NUTF2: variants seen among roughly 807,000 people sequenced by gnomAD.
The protein encoded by NUTF2 is placental protein 15.
A neutral mutation model predicts 18.5 loss-of-function variants in NUTF2; 3 were observed. The observed-to-expected ratio is 0.16, with a 90% CI of 0.07 to 0.42. NUTF2 has a LOEUF of 0.42. Among genes scored for constraint, NUTF2 ranks in the 10% least tolerant of loss-of-function variants. The pLI, the probability that NUTF2 is intolerant of heterozygous loss-of-function variation, is 0.99. For synonymous variants in NUTF2, 51 were observed against 57.9 expected, an observed-to-expected ratio of 0.88 and a Z score of 0.54; for missense variants, 44 against 160.7, an observed-to-expected ratio of 0.27 and a Z score of 3.93.
intron 1 of NUTF2, among the ~76,000 whole-genome samples, chr16:67,855,031 G>T (rs1391246001): frequency 1.3e-5 from 2 of 151,438 alleles, no homozygotes; most frequent in African/African-American, 4.9e-5. Context: ...TTTAATTAAT[G>T]TTTTGATAGG....
intron 1 of NUTF2, among the ~76,000 whole-genome samples, chr16:67,864,425 C>T (rs1402220757): frequency 6.7e-6 from 1 of 150,294 alleles, no homozygotes; most frequent in Non-Finnish European, 1.5e-5. Flanking sequence ...AAGAGAATCA[C>T]TTGAGCCCAG....
At chr16:67,864,551 A>G (rs2057957134) in intron 1 of NUTF2, among the ~76,000 whole-genome samples, 1 of 150,784 alleles carries the variant, frequency 6.6e-6, no homozygotes, top group African/African-American at 2.4e-5. Context: ...GGCCTTGAGA[A>G]TCTCCCCACA....
At chr16:67,870,454 C>G (rs2058003461) in intron 4 of NUTF2, 1 of 264,122 alleles carries the variant, frequency 3.8e-6, no homozygotes, top group Non-Finnish European at 7.2e-6. Flanking sequence ...TTGGTAAATA[C>G]TATGGGATTC....
At position 67,871,133 on chromosome 16, in the gene NUTF2, G is replaced by C. The variant is rs1397971339; in HGVS notation, c.*220G>C. The C allele has an allele frequency of 2.5e-6, 1 of 402,778 alleles. No individual in the cohort carries two copies. Among genetic ancestry groups the C allele is most frequent in the Non-Finnish European group, 4.5e-6 (1 of 223,272 alleles). 25.0% of individuals were successfully genotyped at this position (402,778 alleles called of 1,614,324 possible). A position where few individuals can be genotyped will look rare whatever the true frequency, so the allele number is the denominator to read the frequency against. On this transcript the variant is annotated 3_prime_UTR_variant, in exon 5 of 5. Coordinates refer to ENST00000219169, the MANE Select transcript of NUTF2 (RefSeq NM_005796.3). ...TTGTGTTGTACCAGCGCATGCCTTG[G>C]AAAGACTTAAGTAATGCAAAAGGTT...
At chr16:67,870,545 G>C (rs2058004185) in intron 4 of NUTF2, 2 of 474,424 alleles carry the variant, frequency 4.2e-6, no homozygotes, top group South Asian at 2.6e-5. Context: ...TGTAGCTAAG[G>C]GTGAATTATT....
Position 67,865,086 on chromosome 16 carries a change from C to T in NUTF2, c.-29-16C>T, listed in dbSNP as rs772897613. The stretch of plus-strand genomic sequence containing the variant: ...ATGGTACCAATGCTTCCCTCCTGGT[C>T]TCATTGGTCTTGCAGGTCTCCGTGA... On this transcript the variant is annotated splice_polypyrimidine_tract_variant and intron_variant, in intron 1 of 4. Transcript: ENST00000219169. 1 of 1,314,464 alleles carries T rather than the reference C, an allele frequency of 7.6e-7. No homozygotes were observed. The highest frequency in any genetic ancestry group is 1.7e-5 in the Admixed American group (1 of 58,956). 81.4% of individuals were successfully genotyped at this position (1,314,464 alleles called of 1,614,324 possible).
intron 1 of NUTF2, among the ~76,000 whole-genome samples, chr16:67,854,789 T>C (rs745731463): frequency 6.6e-5 from 10 of 152,020 alleles, no homozygotes; most frequent in Non-Finnish European, 1.3e-4. Flanking sequence ...TCTACCAAGA[T>C]TCCAAAAAAT....
At chr16:67,855,489 T>C (rs191018017) in intron 1 of NUTF2, among the ~76,000 whole-genome samples, 299 of 152,294 alleles carry the variant, frequency 2.0e-3, no homozygotes, top group African/African-American at 6.6e-3. Flanking sequence ...GAGACAGGGC[T>C]GCTATGGGGA....
At chr16:67,866,333 G>T (rs1279728130) in intron 2 of NUTF2, among the ~76,000 whole-genome samples, 1 of 146,130 alleles carries the variant, frequency 6.8e-6, no homozygotes, top group Non-Finnish European at 1.5e-5. Flanking sequence ...TTGAGACAGA[G>T]TCTCACTCTG....
chr16:67,865,286 GC>G, intron 2 of NUTF2, 57 bp downstream of exon 2: 2 of 1,251,086 alleles, frequency 1.6e-6, no homozygotes, highest in Non-Finnish European at 2.3e-6. Context: ...TGGATGTTGG[GC>G]CAGTGTGTCC....
rs1380679932 is a variant in NUTF2, at chr16:67,870,866, G to A, written c.337G>A (p.Val113Ile). The A allele has an allele frequency of 1.2e-6, 2 of 1,613,940 alleles. No homozygotes were observed. The highest frequency in any genetic ancestry group is 1.7e-6 in the Non-Finnish European group (2 of 1,179,860). ...FLLKNINDAW[V>I]CTNDMFRLAL... ...ATTAAAGAACATCAACGATGCTTGG[G>A]TTTGCACCAATGACATGTTCAGGCT... The change falls in exon 5 of 5, where the codon GTT becomes ATT. Residue 113 changes from valine to isoleucine, a missense_variant. By Grantham distance (29) the Val-to-Ile change is conservative. Coordinates refer to ENST00000219169, the MANE Select transcript of NUTF2 (RefSeq NM_005796.3).
At chr16:67,862,299 AC>A (rs2057940222) in intron 1 of NUTF2, among the ~76,000 whole-genome samples, 1 of 152,160 alleles carries the variant, frequency 6.6e-6, no homozygotes, top group Non-Finnish European at 1.5e-5. Context: ...GTGGATTCTG[AC>A]TATGTGGCTG....
chr16:67,854,098 G>A (rs576611729), intron 1 of NUTF2, among the ~76,000 whole-genome samples: 4 of 152,158 alleles, frequency 2.6e-5, no homozygotes, highest in African/African-American at 4.8e-5. Context: ...CTACAGGCAC[G>A]CGCCACCACG....
chr16:67,866,459 C>T (rs2057973109), intron 2 of NUTF2, among the ~76,000 whole-genome samples: 1 of 151,770 alleles, frequency 6.6e-6, no homozygotes, highest in Non-Finnish European at 1.5e-5. Context: ...GCATGCACCA[C>T]CAAGCCTAAT....
chr16:67,848,437 G>A (rs2057824861), intron 1 of NUTF2, among the ~76,000 whole-genome samples: 1 of 152,186 alleles, frequency 6.6e-6, no homozygotes, highest in South Asian at 2.1e-4. Context: ...ACAAAAATTA[G>A]CTGAACGTGG....
At chr16:67,864,232 T>G (rs1357909083) in intron 1 of NUTF2, among the ~76,000 whole-genome samples, 1 of 152,126 alleles carries the variant, frequency 6.6e-6, no homozygotes, top group Non-Finnish European at 1.5e-5. Flanking sequence ...GGCCCTTGGC[T>G]GGGTACAGTG....
chr16:67,854,283 A>C (rs892146255), intron 1 of NUTF2, among the ~76,000 whole-genome samples: 1 of 152,118 alleles, frequency 6.6e-6, no homozygotes, highest in African/African-American at 2.4e-5. Flanking sequence ...TGCTTGGAGC[A>C]TGGGTTTGTG....
chr16:67,853,009 TC>T (rs2057871434), intron 1 of NUTF2, among the ~76,000 whole-genome samples: 1 of 152,170 alleles, frequency 6.6e-6, no homozygotes, highest in Admixed American at 6.5e-5. Context: ...TTAAAGTTTT[TC>T]TTAGGGTACA....
intron 2 of NUTF2, among the ~76,000 whole-genome samples, chr16:67,865,845 A>G (rs1411407174): frequency 6.6e-6 from 1 of 151,188 alleles, no homozygotes; most frequent in Non-Finnish European, 1.5e-5. Flanking sequence ...CAGCCTCCCG[A>G]GTAGCTGGGA....
Sources: gnomAD v4.1 joint callset for allele counts (sites outside exome capture counted in the v4.1 genomes callset) on GRCh38, gnomAD v4.1.1 for gene constraint, MANE v1.5 for transcripts, NCBI Gene and HGNC (gene_info 2026-07-23, HGNC 2026-07-21) for gene names.